GRM4: variants seen among roughly 807,000 people sequenced by gnomAD.
GRM4 encodes the protein metabotropic glutamate receptor 4.
GRM4 carries 28 observed loss-of-function variants against 81.7 expected under a neutral mutation model. The ratio of observed to expected loss-of-function variants is 0.34; its 90% CI spans 0.25 to 0.47. GRM4 has a LOEUF of 0.47. Ranked by LOEUF, GRM4 falls within the 20% of genes least tolerant of loss-of-function variation. The probability of loss-of-function intolerance (pLI) is 1.00; values close to 1 mark genes in which losing one functional copy is unlikely to be tolerated. For missense variants in GRM4, 948 were observed against 1,290.0 expected (o/e 0.73, Z 4.06); for synonymous variants, 488 against 528.8 (o/e 0.92, Z 1.06).
At position 34,132,987 on chromosome 6, in the gene GRM4, G is replaced by A. The variant is rs775710648; in HGVS notation, c.510C>T (p.Arg170=). 1.9e-6 allele frequency: 3 copies of A among 1,600,690 alleles called. No homozygotes were observed. The East Asian group carries it at 6.7e-5, about 36-fold the overall frequency. ...SVSIMVANIL[R]LFKIPQISYA... The stretch of plus-strand genomic sequence containing the variant: ...CAACCAAGGCACTGACCTTGAAGAG[G>A]CGAAGGATGTTGGCCACCATGATGG... The change falls in exon 2 of 11, where the codon CGC becomes CGT. Residue 170 remains arginine, a synonymous_variant. Coordinates refer to ENST00000538487, the MANE Select transcript of GRM4 (RefSeq NM_000841.4).
intron 2 of GRM4, among the ~76,000 whole-genome samples, chr6:34,120,885 C>T (rs1160867980): frequency 1.3e-5 from 2 of 152,316 alleles, no homozygotes; most frequent in Non-Finnish European, 2.9e-5. Flanking sequence ...TGAGCCACTG[C>T]GCCCAGCCTG....
chr6:34,100,940 A>G (rs1768800466), intron 2 of GRM4, among the ~76,000 whole-genome samples: 1 of 152,208 alleles, frequency 6.6e-6, no homozygotes, highest in Non-Finnish European at 1.5e-5. Flanking sequence ...GACATGTCAC[A>G]CTGCAAGAGT....
upstream of GRM4, among the ~76,000 whole-genome samples, chr6:34,146,644 C>G (rs1380262551): frequency 6.6e-6 from 1 of 152,184 alleles, no homozygotes; most frequent in African/African-American, 2.4e-5. Context: ...GGAGGGAGCA[C>G]AACACTGTGC....
At chr6:34,044,551 C>CAT (rs151321332) in intron 6 of GRM4, among the ~76,000 whole-genome samples, 35,609 of 145,012 alleles carry the variant, frequency 0.25, 5,488 homozygotes, top group African/African-American at 0.41. Flanking sequence ...GACACACACA[C>CAT]AAACACACAG....
At position 34,040,728 on chromosome 6, in the gene GRM4, C is replaced by G; in HGVS notation, c.1189G>C (p.Asp397His). Residue 397 changes from aspartate (D) to histidine (H), a missense_variant, in exon 7 of 11, where the codon GAT (aspartate) becomes CAT (histidine). Physicochemically the swap from Asp to His is moderately conservative, Grantham distance 81 (BLOSUM62 -1). Transcript: ENST00000538487. ...TTCCCCTCCTGCTCATAAGCTGAAT[C>G]CTGCCCAATTCGCTCACGGTCTGCA... ...KCTNRERIGQ[D>H]SAYEQEGKVQ... 6.2e-7 allele frequency: 1 copy of G among 1,613,928 alleles called. No homozygotes were observed.
intron 3 of GRM4, among the ~76,000 whole-genome samples, chr6:34,076,168 C>T (rs1225206129): frequency 6.6e-6 from 1 of 152,242 alleles, no homozygotes; most frequent in African/African-American, 2.4e-5. Context: ...GAGCCCACAT[C>T]CCTTGGAAGT....
At position 34,034,389 on chromosome 6, in the gene GRM4, C is replaced by T. The variant is rs1207747670; in HGVS notation, c.2442+1279G>A. 6.6e-6 allele frequency among the ~76,000 whole-genome samples: 1 copy of T among 152,182 alleles called. No individual in the cohort carries two copies. Among genetic ancestry groups the T allele is most frequent in the Non-Finnish European group, 1.5e-5 (1 of 68,030 alleles). On this transcript the variant is annotated intron_variant, in intron 9 of 10. Transcript: ENST00000538487. This position sits in a 1 kb window ranked among gnomAD's most constrained non-coding sequence, Gnocchi z 4.0. ...CCAGTCTCCAGACAGGCCCAGACTCCCCCACTCCCCACTGCATCTGCTGGG... is the reference window on the plus strand; with the variant it reads ...CCAGTCTCCAGACAGGCCCAGACTCTCCCACTCCCCACTGCATCTGCTGGG...
intron 1 of GRM4, among the ~76,000 whole-genome samples, chr6:34,142,384 A>G (rs1680356238): frequency 6.6e-6 from 1 of 152,002 alleles, no homozygotes; most frequent in Admixed American, 6.5e-5. Flanking sequence ...TTCTAGACCG[A>G]GCAGAGGAGG....
Position 34,070,764 on chromosome 6 carries a change from C to A in GRM4, c.737-8736G>T, listed in dbSNP as rs1170103438. Among the ~76,000 whole-genome samples the A allele has an allele frequency of 2.7e-5, 4 of 149,146 alleles. No homozygotes were observed. The highest frequency in any genetic ancestry group is 9.9e-5 in the African/African-American group (4 of 40,384). On this transcript the variant is annotated intron_variant, in intron 3 of 10. Transcript: ENST00000538487. The surrounding 1 kb of genome is among the most constrained non-coding windows in gnomAD (Gnocchi z 4.6). ...TTTCCCTCCTGAAGGCTCTCAGCAC[C>A]CCCACCACACCCCCGCCACACCCCC...
rs899530900 is a variant in GRM4 at position 34,090,659 on chromosome 6, C to T, written c.736+1224G>A. On this transcript the variant is annotated intron_variant, in intron 3 of 10. Coordinates refer to ENST00000538487, the MANE Select transcript of GRM4 (RefSeq NM_000841.4). This position sits in a 1 kb window ranked among gnomAD's most constrained non-coding sequence, Gnocchi z 5.2. ...CTTCCCGCCGCCCCGCTGCCCCCTCCACCAGGTGGAGGCCCCCAAGCAGCT... is the reference window on the plus strand; with the variant it reads ...CTTCCCGCCGCCCCGCTGCCCCCTCTACCAGGTGGAGGCCCCCAAGCAGCT... 6.6e-6 allele frequency among the ~76,000 whole-genome samples: 1 copy of T among 152,006 alleles called. No individual in the cohort carries two copies. The highest frequency in any genetic ancestry group is 1.5e-5 in the Non-Finnish European group (1 of 67,962).
chr6:34,128,939 C>A (rs1211311015), intron 2 of GRM4, among the ~76,000 whole-genome samples: 1 of 152,148 alleles, frequency 6.6e-6, no homozygotes, highest in Non-Finnish European at 1.5e-5. Flanking sequence ...CTTACAGGTA[C>A]AGAATTTGGA....
At position 34,074,595 on chromosome 6, in the gene GRM4, C is replaced by G. The variant is rs756810100; in HGVS notation, c.737-12567G>C. On this transcript the variant is annotated intron_variant, in intron 3 of 10. Transcript: ENST00000538487. This position sits in a 1 kb window ranked among gnomAD's most constrained non-coding sequence, Gnocchi z 4.9. ...GTGGCTCAGAGCTGAGCCCTGCCGT[C>G]CCCTGCCAGGAGAGGAGGCCGCTGG... Among the ~76,000 whole-genome samples the G allele has an allele frequency of 1.7e-3, 234 of 141,544 alleles. 1 individual carries two copies. The highest frequency in any genetic ancestry group is 2.6e-3 in the Non-Finnish European group (170 of 66,042). The allele number at this position is 141,544 out of a possible 152,430, so 92.9% of individuals were successfully genotyped here. A position where few individuals can be genotyped will look rare whatever the true frequency, so the allele number is the denominator to read the frequency against.
rs1381064292 is a variant in GRM4, at chr6:34,048,549, C to T, written c.1169-7801G>A. Among the ~76,000 whole-genome samples the T allele has an allele frequency of 1.3e-5, 2 of 152,160 alleles. No homozygotes were observed. The highest frequency in any genetic ancestry group is 2.9e-5 in the Non-Finnish European group (2 of 68,034). Reference sequence around the variant, plus strand: ...ACTCCCAACGCAGACATCCCTCTCCCCCATTATTCAGCAGCCTCCCTTCAA... The same window carrying T: ...ACTCCCAACGCAGACATCCCTCTCCTCCATTATTCAGCAGCCTCCCTTCAA... On this transcript the variant is annotated intron_variant, in intron 6 of 10. Transcript: ENST00000538487. The surrounding 1 kb of genome is among the most constrained non-coding windows in gnomAD (Gnocchi z 4.0).
At chr6:34,052,141 A>G (rs1765643579) in intron 6 of GRM4, among the ~76,000 whole-genome samples, 1 of 152,176 alleles carries the variant, frequency 6.6e-6, no homozygotes, top group South Asian at 2.1e-4. Flanking sequence ...GTGCCAAGGA[A>G]TTAATGGCCT....
chr6:34,053,518 T>C (rs569000304), intron 6 of GRM4, among the ~76,000 whole-genome samples: 2 of 152,324 alleles, frequency 1.3e-5, no homozygotes, highest in African/African-American at 2.4e-5. Flanking sequence ...CTGTCTCTGC[T>C]GGGGCTCCCA....
intron 3 of GRM4, among the ~76,000 whole-genome samples, chr6:34,065,397 C>T (rs1479690276): frequency 1.3e-5 from 2 of 152,086 alleles, no homozygotes; most frequent in East Asian, 1.9e-4. Context: ...ATCCATGGGT[C>T]CATACTGAGA....
At chr6:34,040,377 T>G in intron 7 of GRM4, 63 bp from the exon 8 acceptor site, 2 of 1,573,114 alleles carry the variant, frequency 1.3e-6, no homozygotes, top group Non-Finnish European at 1.7e-6. Context: ...ATGATGAGCC[T>G]GGGGCAGAGA....
At chr6:34,102,061 G>A (rs757661414) in intron 2 of GRM4, 1 of 1,535,600 alleles carries the variant, frequency 6.5e-7, no homozygotes, top group South Asian at 1.2e-5. Context: ...AAGTCCTAAG[G>A]GTCCTCTTTT....
intron 3 of GRM4, among the ~76,000 whole-genome samples, chr6:34,077,952 G>A (rs1767402213): frequency 2.0e-5 from 3 of 152,002 alleles, no homozygotes; most frequent in African/African-American, 7.3e-5. Flanking sequence ...TCCAGCAGTG[G>A]CCACTGCTGG....
Sources: gnomAD v4.1 joint callset for allele counts (sites outside exome capture counted in the v4.1 genomes callset) on GRCh38, gnomAD v4.1.1 for gene constraint, Gnocchi (gnomAD v3.1) non-coding constraint, MANE v1.5 for transcripts, NCBI Gene and HGNC (gene_info 2026-07-23, HGNC 2026-07-21) for gene names.